Variants in LAMA5 observed in about 807,000 individuals in gnomAD.
LAMA5 encodes laminin subunit alpha-5.
In LAMA5, 260 loss-of-function variants were observed where a neutral mutation model predicts 433.4. The observed-to-expected ratio is 0.60, with a 90% CI of 0.54 to 0.66. LAMA5 has a LOEUF of 0.66. Ranked by LOEUF, LAMA5 falls within the 30% of genes least tolerant of loss-of-function variation. LAMA5 has a pLI of 0.00. For synonymous variants in LAMA5, 2,620 were observed against 2,226.6 expected, an observed-to-expected ratio of 1.18 and a Z score of -4.97; for missense variants, 5,378 against 5,258.5, an observed-to-expected ratio of 1.02 and a Z score of -0.70.
At chr20:62,333,028 C>T (rs1274112250) in intron 26 of LAMA5, 62 bp downstream of exon 26, 1 of 1,414,792 alleles carries the variant, frequency 7.1e-7, no homozygotes, top group African/African-American at 1.5e-5. Flanking sequence ...GCCACAGGAC[C>T]CCCAGCCCCC....
chr20:62,366,766 C>A lies in LAMA5; in HGVS notation c.297+183G>T, dbSNP rs150069746. ...CTTTAATTCCGCCTTCCCGGAGGGA[C>A]GCGAAGTTTCCCGGCCGAGACGGAG... On this transcript the variant is annotated intron_variant, in intron 1 of 79. Transcript: ENST00000252999. 0.062 allele frequency among the ~76,000 whole-genome samples: 9,487 copies of A among 152,288 alleles called. 328 individuals are homozygous for A. The highest frequency in any genetic ancestry group is 0.17 in the South Asian group (808 of 4,834).
chr20:62,317,493 C>A lies in LAMA5; in HGVS notation c.7363G>T (p.Glu2455Ter), dbSNP rs1349571843. 1.3e-6 allele frequency: 2 copies of A among 1,541,846 alleles called. No individual in the cohort carries two copies. The highest frequency in any genetic ancestry group is 1.2e-5 in the South Asian group (1 of 80,910). Residue 2455 changes from glutamate to a stop codon, truncating the protein, a stop_gained, in exon 55 of 80, where the codon GAG (glutamate) becomes TAG (stop). Transcript: ENST00000252999. LOFTEE classifies it high-confidence loss of function. ...CCATCCAGGCTGGCGGCGAGGCGCT[C>A]CAGCTCCTGGAATTTGAGTGGACTT... ...HSLDQAKEEL[E>*]RLAASLDGAR...
intron 35 of LAMA5, 56 bp from the exon 36 acceptor site, chr20:62,328,066 G>A (rs1979636840): frequency 6.2e-7 from 1 of 1,604,160 alleles, no homozygotes; most frequent in East Asian, 2.2e-5. Context: ...ACACCAAAGT[G>A]AGACCTCGTA....
intron 2 of LAMA5, among the ~76,000 whole-genome samples, chr20:62,358,049 G>A (rs1454024806): frequency 6.6e-6 from 1 of 152,220 alleles, no homozygotes; most frequent in Non-Finnish European, 1.5e-5. Context: ...GGTGGCTCTT[G>A]TTTAGAAACA....
intron 1 of LAMA5, among the ~76,000 whole-genome samples, chr20:62,366,337 C>T (rs1372091798): frequency 6.6e-6 from 1 of 152,202 alleles, no homozygotes. Context: ...CCTGAACCCA[C>T]ATCTCCCAGG....
At position 62,324,599 on chromosome 20, in the gene LAMA5, A is replaced by G; in HGVS notation, c.5530-45T>C. On this transcript the variant is annotated intron_variant, in intron 41 of 79. Coordinates refer to ENST00000252999, the MANE Select transcript of LAMA5 (RefSeq NM_005560.6). The surrounding 1 kb of genome is among the most constrained non-coding windows in gnomAD (Gnocchi z 4.4). ...GGTGGCATCAGCGATTGAGAGGACG[A>G]GGGGCCCCACCCTGCAAGCTCACAA... is the stretch of plus-strand genomic sequence containing the variant. 1 of 1,421,940 alleles carries G rather than the reference A, an allele frequency of 7.0e-7. No homozygotes were observed. Among genetic ancestry groups the G allele is most frequent in the Non-Finnish European group, 9.8e-7 (1 of 1,020,718 alleles). The allele number at this position is 1,421,940 out of a possible 1,614,324, so 88.1% of individuals were successfully genotyped here.
intron 21 of LAMA5, 66 bp downstream of exon 21, chr20:62,334,456 C>A: frequency 6.6e-7 from 1 of 1,514,494 alleles, no homozygotes. Flanking sequence ...GTGAGGGACA[C>A]GGAGAGGCCC....
intron 36 of LAMA5, 56 bp from the exon 37 acceptor site, chr20:62,327,725 G>A (rs1979561913): frequency 6.3e-7 from 1 of 1,598,960 alleles, no homozygotes; most frequent in Non-Finnish European, 8.5e-7. Flanking sequence ...CTGACCCCGG[G>A]TTCCTGGTAC....
chr20:62,311,816 T>TTGGGGGCCC, intron 70 of LAMA5, 32 bp from the exon 71 acceptor site: 1 of 1,521,010 alleles, frequency 6.6e-7, no homozygotes, highest in Non-Finnish European at 8.9e-7. Flanking sequence ...GCTCGGTTTT[T>TTGGGGGCCC]CCCCACCCTG....
chr20:62,316,843 G>T, intron 56 of LAMA5, 39 bp downstream of exon 56: 1 of 1,539,982 alleles, frequency 6.5e-7, no homozygotes, highest in Non-Finnish European at 8.8e-7. Flanking sequence ...GGCAGTGGGG[G>T]CGCTCCTGCT....
At chr20:62,332,947 G>GCAGGAGGCAGGAGGCAGGAT in intron 26 of LAMA5, 143 bp downstream of exon 26, 1 of 1,132,794 alleles carries the variant, frequency 8.8e-7, no homozygotes, top group Non-Finnish European at 1.2e-6. Context: ...GGAGGCAGGA[G>GCAGGAGGCAGGAGGCAGGAT]GCAGGGGCGC....
chr20:62,324,724 G>A lies in LAMA5; in HGVS notation c.5530-170C>T, dbSNP rs911491053. 1.7e-5 allele frequency: 10 copies of A among 596,590 alleles called. No homozygotes were observed. The highest frequency in any genetic ancestry group is 5.6e-5 in the Admixed American group (2 of 35,742). The allele number at this position is 596,590 out of a possible 1,614,324, so 37.0% of individuals were successfully genotyped here. On this transcript the variant is annotated intron_variant, in intron 41 of 79. Transcript: ENST00000252999. The surrounding 1 kb of genome is among the most constrained non-coding windows in gnomAD (Gnocchi z 4.4). ...TGGTCAGGAACTCCTGGCCTCGGCC[G>A]GCTGGAGGTGGGCCAGCACCTGGCT...
intron 79 of LAMA5, 21 bp downstream of exon 79, chr20:62,309,695 C>T: frequency 6.5e-7 from 1 of 1,539,178 alleles, no homozygotes; most frequent in Non-Finnish European, 8.7e-7. Flanking sequence ...CTCCCCCACC[C>T]TTGATCAAGG....
chr20:62,319,470 G>A (rs986418289), intron 51 of LAMA5, among the ~76,000 whole-genome samples: 1 of 152,150 alleles, frequency 6.6e-6, no homozygotes, highest in Admixed American at 6.6e-5. Context: ...AGGCTGTCGA[G>A]GGGTCTGACG....
intron 18 of LAMA5, 126 bp downstream of exon 18, chr20:62,336,214 T>C (rs1046710635): frequency 1.9e-4 from 123 of 638,238 alleles, no homozygotes; most frequent in Non-Finnish European, 5.7e-5. Flanking sequence ...CACCACTCCC[T>C]CCAGGGCACA....
Position 62,309,114 on chromosome 20 carries a change from G to A in LAMA5, c.*222C>T, listed in dbSNP as rs2146017500. 1 of 605,206 alleles carries A rather than the reference G, an allele frequency of 1.7e-6. No individual in the cohort carries two copies. The highest frequency in any genetic ancestry group is 2.8e-6 in the Non-Finnish European group (1 of 359,106). 37.5% of individuals were successfully genotyped at this position (605,206 alleles called of 1,614,324 possible). A position where few individuals can be genotyped will look rare whatever the true frequency, so the allele number is the denominator to read the frequency against. ...TTTAAGGAGGAACCAGTGATGATTGGTGACAAATCTCTCACAATTAAAAAT... is the reference window on the plus strand; with the variant it reads ...TTTAAGGAGGAACCAGTGATGATTGATGACAAATCTCTCACAATTAAAAAT... On this transcript the variant is annotated 3_prime_UTR_variant, in exon 80 of 80. Transcript: ENST00000252999.
intron 79 of LAMA5, 92 bp downstream of exon 79, chr20:62,309,617 GAGGGGGC>G (rs1985925358): frequency 4.5e-5 from 23 of 508,526 alleles, no homozygotes; most frequent in Admixed American, 3.4e-4. Flanking sequence ...AGGAGGGTGG[GAGGGGGC>G]AGGGGGTGGA....
In LAMA5 at chr20:62,367,203, C is replaced by T. The variant is rs1986836970; in HGVS notation, c.43G>A (p.Gly15Ser). ...LCAGSALCVR[G>S]PRGPAPLLLV... ...AGCAGCGGCGCGGGGCCCCGGGGGC[C>T]GCGAACACACAGTGCGCTCCCCGCG... Residue 15 changes from glycine (G) to serine (S), a missense_variant, in exon 1 of 80, where the codon GGC (glycine) becomes AGC (serine). By Grantham distance (56) the Gly-to-Ser change is moderately conservative (BLOSUM62 0). Transcript: ENST00000252999. The T allele has an allele frequency of 1.6e-6, 2 of 1,218,634 alleles. No homozygotes were observed. Among genetic ancestry groups the T allele is most frequent in the Admixed American group, 8.7e-5 (2 of 23,108 alleles). The allele number at this position is 1,218,634 out of a possible 1,614,324, so 75.5% of individuals were successfully genotyped here. A position where few individuals can be genotyped will look rare whatever the true frequency, so the allele number is the denominator to read the frequency against.
chr20:62,358,323 C>T (rs886793762), intron 2 of LAMA5, among the ~76,000 whole-genome samples: 1 of 152,160 alleles, frequency 6.6e-6, no homozygotes, highest in African/African-American at 2.4e-5. Flanking sequence ...CCAGGACCCC[C>T]GCCGTACCCC....
Sources: gnomAD v4.1 joint callset for allele counts (sites outside exome capture counted in the v4.1 genomes callset) on GRCh38, gnomAD v4.1.1 for gene constraint, Gnocchi (gnomAD v3.1) non-coding constraint, MANE v1.5 for transcripts, NCBI Gene and HGNC (gene_info 2026-07-23, HGNC 2026-07-21) for gene names.